Variants in ATP13A3 observed in about 807,000 individuals in gnomAD.
The protein encoded by ATP13A3 is ATPase 13A3, also known as polyamine-transporting ATPase 13A3.
A neutral mutation model predicts 158.1 loss-of-function variants in ATP13A3; 59 were observed. The observed-to-expected ratio is 0.37, with a 90% CI of 0.30 to 0.46. ATP13A3 has a LOEUF of 0.46. Ranked by LOEUF, ATP13A3 falls within the 20% of genes least tolerant of loss-of-function variation. The probability of loss-of-function intolerance (pLI) is 1.00; values close to 1 mark genes in which losing one functional copy is unlikely to be tolerated. For synonymous variants in ATP13A3, 491 were observed against 504.3 expected (o/e 0.97, Z 0.35); for missense variants, 1,166 against 1,525.2 (o/e 0.76, Z 3.92).
At position 194,462,205 on chromosome 3, in the gene ATP13A3, A is replaced by C; in HGVS notation, c.-15T>G. The C allele has an allele frequency of 6.2e-7, 1 of 1,612,358 alleles. No individual in the cohort carries two copies. Among genetic ancestry groups the C allele is most frequent in the Non-Finnish European group, 8.5e-7 (1 of 1,178,374 alleles). ...TCCCTGTCCATACCTACAGTGGATTAAAGGTCCAGTGCTTCAAACAATGGA... is the reference window on the plus strand; with the variant it reads ...TCCCTGTCCATACCTACAGTGGATTCAAGGTCCAGTGCTTCAAACAATGGA... On this transcript the variant is annotated 5_prime_UTR_variant, in exon 3 of 34. Coordinates refer to ENST00000645319, the MANE Select transcript of ATP13A3 (RefSeq NM_001367549.1).
At chr3:194,437,487 C>T (rs181711374) in intron 18 of ATP13A3, 23 bp from the exon 19 acceptor site, 20 of 1,613,702 alleles carry the variant, frequency 1.2e-5, no homozygotes, top group Non-Finnish European at 1.7e-5. Flanking sequence ...AAAAGAGGCA[C>T]AAAGCACTTA....
intron 15 of ATP13A3, among the ~76,000 whole-genome samples, chr3:194,442,945 GTA>G (rs1029954405): frequency 9.9e-5 from 15 of 151,828 alleles, no homozygotes; most frequent in Non-Finnish European, 2.1e-4. Flanking sequence ...CTAGAAATCT[GTA>G]TAGTTACACT....
intron 2 of ATP13A3, among the ~76,000 whole-genome samples, chr3:194,484,105 G>T (rs1720868556): frequency 1.3e-5 from 2 of 152,178 alleles, no homozygotes; most frequent in African/African-American, 2.4e-5. Context: ...GAGGTTCAGA[G>T]ATGTTATGTT....
At chr3:194,427,670 TAAATA>T (rs1560080003) in intron 28 of ATP13A3, among the ~76,000 whole-genome samples, 1 of 148,502 alleles carries the variant, frequency 6.7e-6, no homozygotes, top group African/African-American at 2.5e-5. Context: ...AATAAATAAA[TAAATA>T]AATAAATAAT....
Position 194,403,966 on chromosome 3 carries a change from G to T in ATP13A3, c.*1953C>A, listed in dbSNP as rs961887164. The stretch of plus-strand genomic sequence containing the variant: ...TCTTTATGATCATGCTCTTAAAGAT[G>T]TTAAATACAATCGGATAATTGAATT... On this transcript the variant is annotated 3_prime_UTR_variant, in exon 34 of 34. Coordinates refer to ENST00000645319, the MANE Select transcript of ATP13A3 (RefSeq NM_001367549.1). The T allele has an allele frequency of 4.1e-5, 15 of 364,438 alleles. No individual in the cohort carries two copies. Among genetic ancestry groups the T allele is most frequent in the Admixed American group, 1.5e-4 (4 of 25,808 alleles). The allele number at this position is 364,438 out of a possible 1,614,324, so 22.6% of individuals were successfully genotyped here.
upstream of ATP13A3, among the ~76,000 whole-genome samples, chr3:194,490,963 T>C (rs1321815786): frequency 6.6e-6 from 1 of 152,188 alleles, no homozygotes; most frequent in African/African-American, 2.4e-5. The surrounding 1 kb of genome is among the most constrained non-coding windows in gnomAD (Gnocchi z 4.4). Context: ...CTGGCCAACA[T>C]GGTGAAACCC....
At chr3:194,464,097 G>A (rs558091406) in intron 2 of ATP13A3, among the ~76,000 whole-genome samples, 1 of 152,268 alleles carries the variant, frequency 6.6e-6, no homozygotes, top group Admixed American at 6.5e-5. Flanking sequence ...GGAGGCGGAG[G>A]TTGTAGTAAG....
At chr3:194,455,994 A>G in intron 7 of ATP13A3, 32 bp from the exon 8 acceptor site, 1 of 1,299,624 alleles carries the variant, frequency 7.7e-7, no homozygotes, top group East Asian at 2.5e-5. Context: ...ATAGTATTAC[A>G]TTATATCATA....
chr3:194,429,554 AT>A, intron 27 of ATP13A3, 123 bp downstream of exon 27: 1 of 564,024 alleles, frequency 1.8e-6, no homozygotes, highest in Non-Finnish European at 2.9e-6. Flanking sequence ...TTGAAGGTAA[AT>A]TTATAGGTAC....
At chr3:194,456,049 C>T (rs1577074624) in intron 7 of ATP13A3, 87 bp from the exon 8 acceptor site, 2 of 730,360 alleles carry the variant, frequency 2.7e-6, no homozygotes, top group Non-Finnish European at 4.3e-6. Context: ...AGGCTTAAAC[C>T]ACAGACTGTT....
intron 2 of ATP13A3, among the ~76,000 whole-genome samples, chr3:194,474,633 C>T (rs1720446951): frequency 6.6e-6 from 1 of 152,092 alleles, no homozygotes; most frequent in Non-Finnish European, 1.5e-5. Context: ...TAATGTCTTC[C>T]ATTATAATGC....
intron 26 of ATP13A3, 25 bp downstream of exon 26, chr3:194,430,047 T>G: frequency 1.9e-6 from 3 of 1,569,594 alleles, no homozygotes; most frequent in Non-Finnish European, 2.6e-6. Flanking sequence ...GAAAAAGGGA[T>G]GAGAAAAATT....
At chr3:194,414,390 G>C (rs1044451089) in intron 31 of ATP13A3, among the ~76,000 whole-genome samples, 2 of 151,456 alleles carry the variant, frequency 1.3e-5, no homozygotes, top group African/African-American at 2.4e-5. Flanking sequence ...TTGAGCCTGG[G>C]AAGTGGAGGC....
At chr3:194,454,458 T>C (rs1719050688) in intron 8 of ATP13A3, 66 bp from the exon 9 acceptor site, 10 of 1,453,624 alleles carry the variant, frequency 6.9e-6, no homozygotes, top group African/African-American at 2.8e-5. Flanking sequence ...TGTCCATCTT[T>C]TCATTTGACA....
Position 194,403,364 on chromosome 3 carries a change from G to C in ATP13A3, c.*2555C>G, listed in dbSNP as rs1577014354. ...GTATTCAAGCATTATTTGCAGCATT[G>C]CTTTACAGCAGTTGGTGCTAGAAGA... On this transcript the variant is annotated 3_prime_UTR_variant, in exon 34 of 34. Coordinates refer to ENST00000645319, the MANE Select transcript of ATP13A3 (RefSeq NM_001367549.1). 6.6e-6 allele frequency: 1 copy of C among 152,150 alleles called. No individual in the cohort carries two copies. The highest frequency in any genetic ancestry group is 1.5e-5 in the Non-Finnish European group (1 of 68,016). 9.4% of individuals were successfully genotyped at this position (152,150 alleles called of 1,614,324 possible).
intron 31 of ATP13A3, among the ~76,000 whole-genome samples, chr3:194,417,571 A>G (rs982926779): frequency 3.7e-4 from 56 of 152,158 alleles, no homozygotes; most frequent in African/African-American, 1.3e-3. Context: ...TAGCATGGAC[A>G]ATATAGTACT....
At chr3:194,476,127 T>TA (rs1357441434) in intron 2 of ATP13A3, among the ~76,000 whole-genome samples, 1 of 152,194 alleles carries the variant, frequency 6.6e-6, no homozygotes, top group Non-Finnish European at 1.5e-5. Context: ...TTTTACCTCT[T>TA]ACAACTCTGC....
At position 194,405,663 on chromosome 3, in the gene ATP13A3, A is replaced by G. The variant is rs546026679; in HGVS notation, c.*256T>C. Reference sequence around the variant, plus strand: ...ATATCACTGAAAGTAACAATCAAGAAAATTCTGGAAATGTATGTAATATTT... The same window carrying G: ...ATATCACTGAAAGTAACAATCAAGAGAATTCTGGAAATGTATGTAATATTT... On this transcript the variant is annotated 3_prime_UTR_variant, in exon 34 of 34. Coordinates refer to ENST00000645319, the MANE Select transcript of ATP13A3 (RefSeq NM_001367549.1). 7.6e-6 allele frequency: 3 copies of G among 392,226 alleles called. No individual in the cohort carries two copies. In the East Asian group the frequency reaches 1.4e-4, roughly 19 times the overall value. The allele number at this position is 392,226 out of a possible 1,614,324, so 24.3% of individuals were successfully genotyped here.
intron 33 of ATP13A3, among the ~76,000 whole-genome samples, chr3:194,409,431 TG>T (rs1211246877): frequency 6.6e-6 from 1 of 152,134 alleles, no homozygotes; most frequent in Non-Finnish European, 1.5e-5. Context: ...AAACATAAAT[TG>T]GGCACAAATC....
Sources: allele counts gnomAD v4.1 joint callset (sites outside exome capture counted in the v4.1 genomes callset), GRCh38; gene constraint gnomAD v4.1.1; non-coding constraint Gnocchi (gnomAD v3.1); transcripts MANE v1.5; gene names NCBI Gene and HGNC (gene_info 2026-07-23, HGNC 2026-07-21).